NOTCH1: variants seen among roughly 807,000 people sequenced by gnomAD.
NOTCH1 encodes neurogenic locus notch homolog protein 1.
NOTCH1 carries 37 observed loss-of-function variants against 254.8 expected under a neutral mutation model. That is an observed-to-expected ratio of 0.15 (90% confidence interval 0.11 to 0.19). The LOEUF is 0.19. NOTCH1 is among the 10% of genes least tolerant of loss of function. The probability of loss-of-function intolerance (pLI) is 1.00; values close to 1 mark genes in which losing one functional copy is unlikely to be tolerated. For synonymous variants in NOTCH1, 1,731 were observed against 1,618.1 expected, an observed-to-expected ratio of 1.07 and a Z score of -1.68; for missense variants, 2,972 against 3,708.6, an observed-to-expected ratio of 0.80 and a Z score of 5.16.
At position 136,507,997 on chromosome 9, in the gene NOTCH1, G is replaced by A. The variant is rs199793164; in HGVS notation, c.3468C>T (p.Asn1156=). The part of the protein sequence containing the change: ...VDECSPSPCQ[N]GATCTDYLGG... ...CCAGGTAGTCCGTGCAGGTGGCCCC[G>A]TTCTGGCAGGGGCTGGGTGAGCACT... Residue 1156 remains asparagine (N), a synonymous_variant, in exon 21 of 34, where the codon AAC becomes AAT. Transcript: ENST00000651671. 5.0e-5 allele frequency: 81 copies of A among 1,612,602 alleles called. No individual in the cohort carries two copies. Among genetic ancestry groups the A allele is most frequent in the East Asian group, 2.9e-4 (13 of 44,904 alleles).
intron 4 of NOTCH1, among the ~76,000 whole-genome samples, chr9:136,520,896 G>A (rs1402030787): frequency 2.6e-5 from 4 of 152,174 alleles, no homozygotes; most frequent in African/African-American, 9.6e-5. Context: ...GGAGAGGGCG[G>A]GAAGCCAGCG....
chr9:136,507,221 C>T (rs1188437812), intron 22 of NOTCH1, 84 bp downstream of exon 22: 2 of 1,601,934 alleles, frequency 1.2e-6, no homozygotes, highest in South Asian at 1.1e-5. Context: ...TTCCTGGATG[C>T]CTCTGGCCGG....
rs1262449508 is a variant in NOTCH1 at position 136,497,550 on chromosome 9, T to G, written c.6189A>C (p.Thr2063=). ...NKDMQNNREE[T]PLFLAAREGS... ...CCTCCCGGGCGGCCAGAAACAGGGG[T>G]GTCTCCTCCTGGGGGATGAGGGCGG... The change falls in exon 34 of 34, where the codon ACA becomes ACC. Residue 2063 remains threonine (T), a synonymous_variant. Coordinates refer to ENST00000651671, the MANE Select transcript of NOTCH1 (RefSeq NM_017617.5). The G allele has an allele frequency of 1.3e-6, 2 of 1,594,678 alleles. No individual in the cohort carries two copies. Among genetic ancestry groups the G allele is most frequent in the African/African-American group, 1.3e-5 (1 of 74,396 alleles).
At chr9:136,522,789 C>T in intron 4 of NOTCH1, 61 bp downstream of exon 4, 2 of 1,418,628 alleles carry the variant, frequency 1.4e-6, no homozygotes, top group Non-Finnish European at 1.8e-6. Context: ...GCCCCGTTCC[C>T]ACCCCCTGGG....
intron 30 of NOTCH1, 60 bp downstream of exon 30, chr9:136,501,688 T>C: frequency 1.3e-6 from 2 of 1,584,110 alleles, no homozygotes; most frequent in Non-Finnish European, 1.7e-6. Flanking sequence ...CCTCGGGGCT[T>C]AGGGGAGAGA....
At chr9:136,518,851 C>CG in intron 5 of NOTCH1, 27 bp from the exon 6 acceptor site, 1 of 1,598,756 alleles carries the variant, frequency 6.3e-7, no homozygotes, top group Non-Finnish European at 8.6e-7. Context: ...CTGTCGGCCC[C>CG]GGGCAGCTGC....
rs540074075 is a variant in NOTCH1 at position 136,525,824 on chromosome 9, C to T, written c.141-1845G>A. Among the ~76,000 whole-genome samples the T allele has an allele frequency of 7.9e-5, 12 of 152,374 alleles. No individual in the cohort carries two copies. In the South Asian group the frequency reaches 2.5e-3, roughly 32 times the overall value. ...TCTCAGCAGCCAGCCACGCCCCTGT[C>T]CCAAAGGCCCGGGAGGCATCTGTCT... On this transcript the variant is annotated intron_variant, in intron 2 of 33. Coordinates refer to ENST00000651671, the MANE Select transcript of NOTCH1 (RefSeq NM_017617.5).
chr9:136,522,592 G>T, intron 4 of NOTCH1: 1 of 512,986 alleles, frequency 1.9e-6, no homozygotes, highest in Non-Finnish European at 3.4e-6. Context: ...GCGTCCTACA[G>T]CTCGAATGTG....
chr9:136,525,099 C>T (rs544608750), intron 2 of NOTCH1, among the ~76,000 whole-genome samples: 1 of 152,332 alleles, frequency 6.6e-6, no homozygotes, highest in South Asian at 2.1e-4. Flanking sequence ...CACATCCAGG[C>T]ACATCAGCCA....
chr9:136,511,064 A>C, intron 16 of NOTCH1, 88 bp downstream of exon 16: 1 of 1,591,364 alleles, frequency 6.3e-7, no homozygotes, highest in Admixed American at 1.7e-5. Context: ...CTCTTCAAAG[A>C]CTCATCTAGC....
In NOTCH1 at chr9:136,513,139, A is replaced by T. The variant is rs371944522; in HGVS notation, c.2354-5T>A. The T allele has an allele frequency of 1.2e-6, 2 of 1,609,816 alleles. No individual in the cohort carries two copies. Among genetic ancestry groups the T allele is most frequent in the Admixed American group, 3.3e-5 (2 of 59,990 alleles). On this transcript the variant is annotated splice_polypyrimidine_tract_variant and splice_region_variant and intron_variant, in intron 14 of 33. Coordinates refer to ENST00000651671, the MANE Select transcript of NOTCH1 (RefSeq NM_017617.5). The surrounding 1 kb of genome is among the most constrained non-coding windows in gnomAD (Gnocchi z 4.7). ...TGTTGGTCTGGCAGTTGGGACCTGG[A>T]GGGAAGGGGACAGCACTCGGCATGT...
chr9:136,520,911 C>A (rs915524274), intron 4 of NOTCH1, among the ~76,000 whole-genome samples: 82 of 152,290 alleles, frequency 5.4e-4, no homozygotes, highest in African/African-American at 1.9e-3. Context: ...CCAGCGAGAG[C>A]CCCGTGGACC....
intron 26 of NOTCH1, among the ~76,000 whole-genome samples, chr9:136,503,836 ATT>A (rs1843036849): frequency 2.0e-5 from 3 of 152,196 alleles, no homozygotes; most frequent in Admixed American, 2.0e-4. Context: ...GACCTCCAGG[ATT>A]GCTCCAAGCC....
In NOTCH1 at chr9:136,500,475, C is replaced by T. The variant is rs1391787954; in HGVS notation, c.5934+77G>A. 7.7e-6 allele frequency: 12 copies of T among 1,564,766 alleles called. No individual in the cohort carries two copies. In the Admixed American group the frequency reaches 1.0e-4, roughly 13 times the overall value. On this transcript the variant is annotated intron_variant, in intron 31 of 33. Coordinates refer to ENST00000651671, the MANE Select transcript of NOTCH1 (RefSeq NM_017617.5). ...GCTCGGGGTCAGGCTCCCAGGGCCACGTAAGCCTGGCCACTGCCCCAGACC... is the reference window on the plus strand; with the variant it reads ...GCTCGGGGTCAGGCTCCCAGGGCCATGTAAGCCTGGCCACTGCCCCAGACC...
rs760094286 is a variant in NOTCH1 at position 136,514,491 on chromosome 9, G to C, written c.2207+19C>G. The stretch of plus-strand genomic sequence containing the variant: ...GGGTTTAGGACTGATGTGTCCCCAT[G>C]ATCGGCCCCGCCGCATACCCGTTGA... On this transcript the variant is annotated intron_variant, in intron 13 of 33. Coordinates refer to ENST00000651671, the MANE Select transcript of NOTCH1 (RefSeq NM_017617.5). The C allele has an allele frequency of 4.8e-5, 74 of 1,554,010 alleles. No homozygotes were observed. Among genetic ancestry groups the C allele is most frequent in the East Asian group, 1.4e-4 (6 of 42,086 alleles).
intron 4 of NOTCH1, among the ~76,000 whole-genome samples, chr9:136,521,280 AG>A (rs1203917653): frequency 1.3e-5 from 2 of 150,578 alleles, no homozygotes; most frequent in South Asian, 2.1e-4. Context: ...CGGGTGACCC[AG>A]CCCCCAGCAC....
In NOTCH1 at chr9:136,495,586, G is replaced by T. The variant is rs565693670; in HGVS notation, c.*485C>A. 19 of 400,254 alleles carry T rather than the reference G, an allele frequency of 4.7e-5. No individual in the cohort carries two copies. Among genetic ancestry groups the T allele is most frequent in the Non-Finnish European group, 8.4e-5 (19 of 227,148 alleles). 24.8% of individuals were successfully genotyped at this position (400,254 alleles called of 1,614,324 possible). ...GCAGGTGATGCTGGTGGAGCGGCCG[G>T]GCTGGCTTGGGGTTGGGTGGGCGTC... On this transcript the variant is annotated 3_prime_UTR_variant, in exon 34 of 34. Transcript: ENST00000651671.
intron 30 of NOTCH1, 102 bp from the exon 31 acceptor site, chr9:136,500,949 A>G: frequency 7.5e-7 from 1 of 1,334,582 alleles, no homozygotes; most frequent in Admixed American, 2.2e-5. Context: ...CACGGTGTGG[A>G]TGCACCACCC....
Position 136,508,927 on chromosome 9 carries a change from G to A in NOTCH1, c.3114C>T (p.Asp1038=), listed in dbSNP as rs769755236. 124 of 1,549,530 alleles carry A rather than the reference G, an allele frequency of 8.0e-5. No individual in the cohort carries two copies. The highest frequency in any genetic ancestry group is 4.6e-4 in the African/African-American group (34 of 73,182). Reference sequence around the variant, plus strand: ...AGGTGCACCTGTAGGAGCCGCAGCCGTCCTGACAGGTGCCGCCATGCAGGC... The same window carrying A: ...AGGTGCACCTGTAGGAGCCGCAGCCATCCTGACAGGTGCCGCCATGCAGGC... ...QPCLHGGTCQ[D]GCGSYRCTCP... is the part of the protein sequence containing the mutation. Residue 1038 remains aspartate (D), a synonymous_variant, in exon 19 of 34, where the codon GAC becomes GAT. Coordinates refer to ENST00000651671, the MANE Select transcript of NOTCH1 (RefSeq NM_017617.5).
Sources: gnomAD v4.1 joint callset for allele counts (sites outside exome capture counted in the v4.1 genomes callset) on GRCh38, gnomAD v4.1.1 for gene constraint, Gnocchi (gnomAD v3.1) non-coding constraint, MANE v1.5 for transcripts, NCBI Gene and HGNC (gene_info 2026-07-23, HGNC 2026-07-21) for gene names.